PARD6G: variants seen among roughly 807,000 people sequenced by gnomAD.
The protein encoded by PARD6G is par-6 family cell polarity regulator gamma.
PARD6G carries 7 observed loss-of-function variants against 10.7 expected under a neutral mutation model. The observed-to-expected ratio is 0.66, with a 90% CI of 0.37 to 1.23. PARD6G has a LOEUF of 1.23. Ranked by LOEUF, PARD6G falls within the 50% of genes most tolerant of loss-of-function variation. The pLI is 0.02. For missense variants in PARD6G, 548 were observed against 571.8 expected, an observed-to-expected ratio of 0.96 and a Z score of 0.42; for synonymous variants, 287 against 269.4, an observed-to-expected ratio of 1.07 and a Z score of -0.64.
chr18:80,182,993 C>G lies in PARD6G; in HGVS notation c.295+19717G>C, dbSNP rs760858633. 1 of 665,544 alleles carries G rather than the reference C, an allele frequency of 1.5e-6. No individual in the cohort carries two copies. Among genetic ancestry groups the G allele is most frequent in the Non-Finnish European group, 2.7e-6 (1 of 365,136 alleles). 41.2% of individuals were successfully genotyped at this position (665,544 alleles called of 1,614,324 possible). On this transcript the variant is annotated intron_variant, in intron 2 of 2. Transcript: ENST00000353265. This position sits in a 1 kb window ranked among gnomAD's most constrained non-coding sequence, Gnocchi z 4.5. ...AGTCCTCCTTCGTCCTGACGTGGCT[C>G]CCAGTGGAATGAGATGGCTGGGGTC...
intron 1 of PARD6G, among the ~76,000 whole-genome samples, chr18:80,235,767 C>T (rs1967414878): frequency 6.6e-6 from 1 of 152,164 alleles, no homozygotes; most frequent in Non-Finnish European, 1.5e-5. Flanking sequence ...TGGATAAATT[C>T]CTCGACACAT....
At chr18:80,174,334 T>C (rs534963689) in intron 2 of PARD6G, among the ~76,000 whole-genome samples, 1 of 152,134 alleles carries the variant, frequency 6.6e-6, no homozygotes, top group Non-Finnish European at 1.5e-5. Context: ...CGACTTCCTT[T>C]GACAGAGAGG....
chr18:80,218,997 G>A (rs1967200736), intron 1 of PARD6G, among the ~76,000 whole-genome samples: 1 of 152,246 alleles, frequency 6.6e-6, no homozygotes, highest in African/African-American at 2.4e-5. Context: ...AAGTGCCAAG[G>A]CTGCAGACAG....
chr18:80,187,967 T>C (rs1045897322), intron 2 of PARD6G: 6 of 152,264 alleles, frequency 3.9e-5, no homozygotes, highest in Non-Finnish European at 8.8e-5. Context: ...ATCTAAATAC[T>C]TCTAAACATA....
Position 80,228,235 on chromosome 18 carries a change from C to T in PARD6G, c.72+19042G>A, listed in dbSNP as rs1028484225. Among the ~76,000 whole-genome samples the T allele has an allele frequency of 1.3e-5, 2 of 151,960 alleles. No homozygotes were observed. The highest frequency in any genetic ancestry group is 2.9e-5 in the Non-Finnish European group (2 of 68,010). On this transcript the variant is annotated intron_variant, in intron 1 of 2. Coordinates refer to ENST00000353265, the MANE Select transcript of PARD6G (RefSeq NM_032510.4). This position sits in a 1 kb window ranked among gnomAD's most constrained non-coding sequence, Gnocchi z 4.6. ...AGGAAGTCACATCCCACGGGGGAGA[C>T]GGCAGCGAGCAGAGAGACCCCAAGT...
At chr18:80,243,283 T>C (rs1364228137) in intron 1 of PARD6G, among the ~76,000 whole-genome samples, 1 of 152,184 alleles carries the variant, frequency 6.6e-6, no homozygotes, top group East Asian at 1.9e-4. Flanking sequence ...TCTAAAAATA[T>C]TACTGACATG....
chr18:80,215,121 T>C (rs1967150426), intron 1 of PARD6G, among the ~76,000 whole-genome samples: 1 of 152,012 alleles, frequency 6.6e-6, no homozygotes, highest in African/African-American at 2.4e-5. Context: ...CCGGCTAAGC[T>C]ATCCTTCCAA....
chr18:80,234,429 T>G (rs922860951), intron 1 of PARD6G, among the ~76,000 whole-genome samples: 7 of 152,282 alleles, frequency 4.6e-5, no homozygotes, highest in African/African-American at 1.7e-4. Context: ...TTTTCTGATT[T>G]TGATTAATCC....
intron 2 of PARD6G, among the ~76,000 whole-genome samples, chr18:80,167,179 G>A (rs1022435538): frequency 6.6e-6 from 1 of 152,168 alleles, no homozygotes; most frequent in Non-Finnish European, 1.5e-5. Context: ...GCATCATGTT[G>A]CGTGTGGACG....
intron 1 of PARD6G, among the ~76,000 whole-genome samples, chr18:80,233,073 G>A (rs923447239): frequency 6.6e-6 from 1 of 152,138 alleles, no homozygotes; most frequent in South Asian, 2.1e-4. Flanking sequence ...AGGGACCCCA[G>A]CTGCTCATCT....
At chr18:80,208,652 C>A (rs934751002) in intron 1 of PARD6G, among the ~76,000 whole-genome samples, 1 of 152,220 alleles carries the variant, frequency 6.6e-6, no homozygotes. Flanking sequence ...ACCTGTAGTC[C>A]CAGCTACTTG....
At position 80,228,633 on chromosome 18, in the gene PARD6G, C is replaced by T. The variant is rs946991231; in HGVS notation, c.72+18644G>A. 7.2e-5 allele frequency among the ~76,000 whole-genome samples: 11 copies of T among 151,730 alleles called. No individual in the cohort carries two copies. Among genetic ancestry groups the T allele is most frequent in the African/African-American group, 1.7e-4 (7 of 41,274 alleles). On this transcript the variant is annotated intron_variant, in intron 1 of 2. Transcript: ENST00000353265. This position sits in a 1 kb window ranked among gnomAD's most constrained non-coding sequence, Gnocchi z 4.6. ...AAGCCCCACCCCCATCCACAGACTG[C>T]GCCTCCCACCTAAGGCCCCGCCCAC...
In PARD6G at chr18:80,200,139, G is replaced by A. The variant is rs1966995373; in HGVS notation, c.295+2571C>T. Among the ~76,000 whole-genome samples, 2 of 152,058 alleles carry A rather than the reference G, an allele frequency of 1.3e-5. No homozygotes were observed. The highest frequency in any genetic ancestry group is 2.9e-5 in the Non-Finnish European group (2 of 68,016). On this transcript the variant is annotated intron_variant, in intron 2 of 2. Coordinates refer to ENST00000353265, the MANE Select transcript of PARD6G (RefSeq NM_032510.4). The surrounding 1 kb of genome is among the most constrained non-coding windows in gnomAD (Gnocchi z 4.4). ...GTAGAATCTTGAAAATAGCATGACCGTGACTGACCCCTCGACACCCCTGCT... is the reference window on the plus strand; with the variant it reads ...GTAGAATCTTGAAAATAGCATGACCATGACTGACCCCTCGACACCCCTGCT...
In PARD6G at chr18:80,159,825, G is replaced by A. The variant is rs1449907061; in HGVS notation, c.1077C>T (p.Ser359=). ...LSSLRADPRH[S]LALPPGGVEE... is the part of the protein sequence containing the mutation. Reference sequence around the variant, plus strand: ...CCACGCCGCCTGGCGGCAGCGCCAGGCTGTGACGGGGGTCGGCCCGCAGGG... The same window carrying A: ...CCACGCCGCCTGGCGGCAGCGCCAGACTGTGACGGGGGTCGGCCCGCAGGG... The change falls in exon 3 of 3, where the codon AGC becomes AGT. Residue 359 remains serine, a synonymous_variant. Coordinates refer to ENST00000353265, the MANE Select transcript of PARD6G (RefSeq NM_032510.4). The A allele has an allele frequency of 1.3e-5, 20 of 1,486,868 alleles. No homozygotes were observed. Among genetic ancestry groups the A allele is most frequent in the Middle Eastern group, 1.8e-4 (1 of 5,686 alleles). The allele number at this position is 1,486,868 out of a possible 1,614,324, so 92.1% of individuals were successfully genotyped here.
At chr18:80,205,957 G>A (rs940964844) in intron 1 of PARD6G, among the ~76,000 whole-genome samples, 3 of 152,136 alleles carry the variant, frequency 2.0e-5, no homozygotes, top group East Asian at 1.9e-4. Context: ...CAGTATCACC[G>A]CAAAGGGATA....
At chr18:80,220,525 A>G (rs1967217385) in intron 1 of PARD6G, among the ~76,000 whole-genome samples, 1 of 152,232 alleles carries the variant, frequency 6.6e-6, no homozygotes, top group Non-Finnish European at 1.5e-5. Flanking sequence ...ATTAATTTTA[A>G]CAAATATACT....
At chr18:80,186,548 TCACACACATG>T (rs1216119754) in intron 2 of PARD6G, among the ~76,000 whole-genome samples, 1 of 150,796 alleles carries the variant, frequency 6.6e-6, no homozygotes, top group African/African-American at 2.4e-5. Context: ...GCGCACACCC[TCACACACATG>T]CACACACAGC....
At chr18:80,172,690 G>T (rs967101656) in intron 2 of PARD6G, among the ~76,000 whole-genome samples, 1 of 152,132 alleles carries the variant, frequency 6.6e-6, no homozygotes, top group Admixed American at 6.5e-5. Context: ...CAGCTGGGTT[G>T]TCTTTTCTAT....
chr18:80,228,952 T>A lies in PARD6G; in HGVS notation c.72+18325A>T, dbSNP rs1017126837. On this transcript the variant is annotated intron_variant, in intron 1 of 2. Coordinates refer to ENST00000353265, the MANE Select transcript of PARD6G (RefSeq NM_032510.4). This position sits in a 1 kb window ranked among gnomAD's most constrained non-coding sequence, Gnocchi z 4.6. ...CTAACAGAAGTGGGACTTATTTTAT[T>A]TTAGAAGACGGAGTCTCACTCTGTC... Among the ~76,000 whole-genome samples the A allele has an allele frequency of 6.6e-6, 1 of 152,162 alleles. No homozygotes were observed. The highest frequency in any genetic ancestry group is 2.1e-4 in the South Asian group (1 of 4,826).
Sources: allele counts gnomAD v4.1 joint callset (sites outside exome capture counted in the v4.1 genomes callset), GRCh38; gene constraint gnomAD v4.1.1; non-coding constraint Gnocchi (gnomAD v3.1); transcripts MANE v1.5; gene names NCBI Gene and HGNC (gene_info 2026-07-23, HGNC 2026-07-21).